LRRC28: variants seen among roughly 807,000 people sequenced by gnomAD.
LRRC28 encodes leucine-rich repeat-containing protein 28.
In LRRC28, 39 loss-of-function variants were observed where a neutral mutation model predicts 45.7. The ratio of observed to expected loss-of-function variants is 0.85; its 90% CI spans 0.66 to 1.12. The LOEUF (loss-of-function observed/expected upper bound fraction) is 1.12. LRRC28 is among the 50% of genes most tolerant of loss of function. The probability of loss-of-function intolerance (pLI) is 0.00; values close to 1 mark genes in which losing one functional copy is unlikely to be tolerated. For missense variants in LRRC28, 435 were observed against 438.5 expected, an observed-to-expected ratio of 0.99 and a Z score of 0.07; for synonymous variants, 206 against 178.8, an observed-to-expected ratio of 1.15 and a Z score of -1.22.
At chr15:99,331,674 C>T (rs989547768) in intron 5 of LRRC28, among the ~76,000 whole-genome samples, 5 of 152,146 alleles carry the variant, frequency 3.3e-5, no homozygotes, top group African/African-American at 1.2e-4. Context: ...TCATTCCTGT[C>T]TCCACCAAGC....
chr15:99,267,984 T>C (rs1173386679), intron 2 of LRRC28, among the ~76,000 whole-genome samples: 2 of 152,182 alleles, frequency 1.3e-5, no homozygotes, highest in South Asian at 2.1e-4. Context: ...ATTTAGACAA[T>C]TTTTCTTTTT....
chr15:99,371,133 A>G (rs557087382), intron 9 of LRRC28, among the ~76,000 whole-genome samples: 74 of 152,224 alleles, frequency 4.9e-4, no homozygotes, highest in African/African-American at 1.8e-3. Flanking sequence ...TAGTATGCCA[A>G]TGGCTTCTTG....
At chr15:99,377,808 C>A in intron 9 of LRRC28, among the ~76,000 whole-genome samples, 1 of 151,902 alleles carries the variant, frequency 6.6e-6, no homozygotes, top group African/African-American at 2.4e-5. Flanking sequence ...GAATCCTTTC[C>A]CCATTTCTTG....
At chr15:99,355,503 A>G (rs1957020996) in intron 7 of LRRC28, 1 of 152,226 alleles carries the variant, frequency 6.6e-6, no homozygotes, top group Admixed American at 6.5e-5. Context: ...TCACAGCTTC[A>G]TGGCATCTAT....
intron 6 of LRRC28, among the ~76,000 whole-genome samples, chr15:99,341,378 C>T (rs890551526): frequency 6.6e-6 from 1 of 152,244 alleles, no homozygotes; most frequent in African/African-American, 2.4e-5. Context: ...AGGCGTGAGC[C>T]ACCGCGCCCG....
chr15:99,378,905 G>A (rs1468596849), intron 9 of LRRC28, among the ~76,000 whole-genome samples: 1 of 152,146 alleles, frequency 6.6e-6, no homozygotes, highest in Non-Finnish European at 1.5e-5. Context: ...TGATCATGGT[G>A]GATAAGCTTC....
chr15:99,353,373 C>G (rs557719077), intron 7 of LRRC28, among the ~76,000 whole-genome samples: 3 of 152,198 alleles, frequency 2.0e-5, no homozygotes, highest in African/African-American at 7.2e-5. Context: ...CCATTCCCCC[C>G]GTTGGTATAG....
intron 2 of LRRC28, among the ~76,000 whole-genome samples, chr15:99,273,397 C>T (rs190685943): frequency 2.8e-4 from 42 of 152,134 alleles, no homozygotes; most frequent in African/African-American, 8.9e-4. Context: ...CCACCACGCC[C>T]GGCTAATTTT....
intron 2 of LRRC28, chr15:99,257,581 A>G (rs1015807953): frequency 3.4e-6 from 2 of 584,934 alleles, no homozygotes; most frequent in Non-Finnish European, 6.5e-6. Flanking sequence ...GAGAGGGTGG[A>G]GGTGGCTCTT....
intron 5 of LRRC28, among the ~76,000 whole-genome samples, chr15:99,329,855 C>T (rs1294533625): frequency 2.0e-5 from 3 of 152,014 alleles, no homozygotes; most frequent in Non-Finnish European, 2.9e-5. Flanking sequence ...TAGTGGTATG[C>T]GTGTATGCAT....
intron 6 of LRRC28, among the ~76,000 whole-genome samples, chr15:99,334,530 G>A (rs1197941310): frequency 6.6e-6 from 1 of 151,758 alleles, no homozygotes; most frequent in African/African-American, 2.4e-5. Context: ...TTGGTATTGG[G>A]TATCCTAATA....
chr15:99,327,513 T>G (rs1466809030), intron 5 of LRRC28, among the ~76,000 whole-genome samples: 3 of 152,246 alleles, frequency 2.0e-5, no homozygotes, highest in African/African-American at 7.2e-5. Flanking sequence ...GTATGTCCTT[T>G]TAATCGTTTT....
intron 8 of LRRC28, 91 bp downstream of exon 8, chr15:99,361,602 A>G: frequency 3.1e-6 from 4 of 1,309,676 alleles, no homozygotes; most frequent in Non-Finnish European, 4.2e-6. Flanking sequence ...CTTTAAAAAA[A>G]AAATTATTGT....
intron 6 of LRRC28, among the ~76,000 whole-genome samples, chr15:99,343,478 C>T (rs1240722407): frequency 6.6e-6 from 1 of 152,110 alleles, no homozygotes; most frequent in Non-Finnish European, 1.5e-5. Context: ...TTGTGCAGGA[C>T]TCCTAGATTT....
chr15:99,253,912 C>T (rs1348022376), intron 1 of LRRC28, among the ~76,000 whole-genome samples: 1 of 152,220 alleles, frequency 6.6e-6, no homozygotes, highest in African/African-American at 2.4e-5. Flanking sequence ...AGGATGGAAT[C>T]ATTCATGACT....
chr15:99,267,979 G>A (rs536950091), intron 2 of LRRC28, among the ~76,000 whole-genome samples: 117 of 152,216 alleles, frequency 7.7e-4, no homozygotes, highest in African/African-American at 2.8e-3. Context: ...TTATAATTTA[G>A]ACAATTTTTC....
intron 6 of LRRC28, among the ~76,000 whole-genome samples, chr15:99,342,968 T>G (rs1956565604): frequency 6.6e-6 from 1 of 152,202 alleles, no homozygotes; most frequent in South Asian, 2.1e-4. Flanking sequence ...GAGAAAGTGG[T>G]TGAAGGGTTC....
At chr15:99,317,019 AGG>A (rs1955620766) in intron 5 of LRRC28, among the ~76,000 whole-genome samples, 1 of 131,120 alleles carries the variant, frequency 7.6e-6, no homozygotes, top group East Asian at 2.2e-4. Flanking sequence ...TTTTTTGGAG[AGG>A]TGGGGAAGGT....
chr15:99,377,576 G>A (rs1207915752), intron 9 of LRRC28, among the ~76,000 whole-genome samples: 1 of 152,122 alleles, frequency 6.6e-6, no homozygotes, highest in Non-Finnish European at 1.5e-5. Flanking sequence ...TTTGGCTTTT[G>A]TTGCCATTGC....
Sources: gnomAD v4.1 joint callset for allele counts (sites outside exome capture counted in the v4.1 genomes callset) on GRCh38, gnomAD v4.1.1 for gene constraint, MANE v1.5 for transcripts, NCBI Gene and HGNC (gene_info 2026-07-23, HGNC 2026-07-21) for gene names.